Variants in LRRC18 observed in about 807,000 individuals in gnomAD.
LRRC18 encodes leucine-rich repeat-containing protein 18.
Under a neutral mutation model 11.2 loss-of-function variants are expected in LRRC18, and 12 were observed. The observed-to-expected ratio is 1.07, with a 90% confidence interval of 0.69 to 1.74. The LOEUF is 1.74. LRRC18 is among the 40% of genes most tolerant of loss of function. The probability of loss-of-function intolerance (pLI) is 0.00; values close to 1 mark genes in which losing one functional copy is unlikely to be tolerated. For synonymous variants in LRRC18, 155 were observed against 130.6 expected (o/e 1.19, Z -1.27); for missense variants, 374 against 330.5 (o/e 1.13, Z -1.02).
intron 1 of LRRC18, 132 bp from the exon 4 acceptor site, chr10:48,910,390 G>T: frequency 1.3e-6 from 1 of 768,340 alleles, no homozygotes; most frequent in Non-Finnish European, 2.3e-6. Flanking sequence ...TGTGAATGGG[G>T]GTTTTGTTGT....
chr10:48,929,175 A>C, the LRRC18 span, among the ~76,000 whole-genome samples: 2 of 152,076 alleles, frequency 1.3e-5, no homozygotes, highest in Admixed American at 6.5e-5. Flanking sequence ...AGGAAACATC[A>C]AGTGGAAAAG....
At chr10:48,930,687 G>T in the LRRC18 span, among the ~76,000 whole-genome samples, 1 of 151,852 alleles carries the variant, frequency 6.6e-6, no homozygotes, top group South Asian at 2.1e-4. Context: ...ATTTAAAATA[G>T]TAAAAAAAAA....
intron 1 of LRRC18, among the ~76,000 whole-genome samples, chr10:48,912,294 G>A (rs1838077159): frequency 1.3e-5 from 2 of 152,192 alleles, no homozygotes; most frequent in Admixed American, 6.5e-5. Context: ...TGCTGAGTAC[G>A]TTCTCCATGT....
chr10:48,936,558 C>A, the LRRC18 span, among the ~76,000 whole-genome samples: 1 of 152,000 alleles, frequency 6.6e-6, no homozygotes, highest in East Asian at 1.9e-4. Context: ...AGCACTCAGG[C>A]CAGGTGTGGT....
intron 1 of LRRC18, among the ~76,000 whole-genome samples, chr10:48,912,324 C>T (rs1011946598): frequency 1.3e-5 from 2 of 152,226 alleles, no homozygotes; most frequent in African/African-American, 4.8e-5. Context: ...TTTAGAGGCA[C>T]AGAACACTTG....
At chr10:48,929,521 T>G in the LRRC18 span, among the ~76,000 whole-genome samples, 1 of 152,208 alleles carries the variant, frequency 6.6e-6, no homozygotes, top group Non-Finnish European at 1.5e-5. Flanking sequence ...CTGAGGTCCA[T>G]GGCCAAGCCC....
the LRRC18 span, among the ~76,000 whole-genome samples, chr10:48,932,081 C>T: frequency 1.4e-4 from 22 of 152,206 alleles, no homozygotes; most frequent in East Asian, 5.8e-4. Context: ...TCTCATAACA[C>T]GCCTGAGCCC....
chr10:48,914,066 C>CT lies in LRRC18; in HGVS notation c.89dup (p.Arg31AlafsTer3), dbSNP rs756773651. 2 of 1,614,092 alleles carry CT rather than the reference C, an allele frequency of 1.2e-6. No homozygotes were observed. Among genetic ancestry groups the CT allele is most frequent in the Non-Finnish European group, 1.7e-6 (2 of 1,180,054 alleles). ...TTCCCATCTTGCTCAAGTCAAGGCG[C>CT]TTTTTCCCATCAAAAGTGATTTTGA... On this transcript the variant is annotated frameshift_variant, in exon 1 of 2. Transcript: ENST00000374160. LOFTEE classifies it high-confidence loss of function.
upstream of LRRC18, among the ~76,000 whole-genome samples, chr10:48,917,121 G>C (rs1411106217): frequency 6.6e-6 from 1 of 152,162 alleles, no homozygotes; most frequent in Non-Finnish European, 1.5e-5. Flanking sequence ...AGATCATGTA[G>C]TCTACCTAGG....
the LRRC18 span, among the ~76,000 whole-genome samples, chr10:48,924,384 C>A: frequency 6.6e-6 from 1 of 152,148 alleles, no homozygotes; most frequent in Non-Finnish European, 1.5e-5. Flanking sequence ...GGCTAGATGG[C>A]CTATTATCAG....
At chr10:48,919,784 T>A in the LRRC18 span, among the ~76,000 whole-genome samples, 1 of 152,208 alleles carries the variant, frequency 6.6e-6, no homozygotes, top group Non-Finnish European at 1.5e-5. Flanking sequence ...ACACTGGAGA[T>A]CAGAGTTTCA....
chr10:48,919,389 G>A, the LRRC18 span, among the ~76,000 whole-genome samples: 12 of 152,130 alleles, frequency 7.9e-5, no homozygotes, highest in Admixed American at 1.3e-4. Flanking sequence ...TGGAATTCAC[G>A]GTTGAAACCC....
chr10:48,927,060 G>GTAGTGCC, the LRRC18 span, among the ~76,000 whole-genome samples: 2,506 of 152,342 alleles, frequency 0.016, 40 homozygotes, highest in African/African-American at 0.02. Context: ...CTGGAGAGCT[G>GTAGTGCC]CAGGCTGCTG....
the LRRC18 span, chr10:48,932,508 C>A: frequency 6.6e-6 from 1 of 152,204 alleles, no homozygotes; most frequent in Admixed American, 6.5e-5. Context: ...GAGCTGGCTA[C>A]AGTTCAGTCT....
intron 1 of LRRC18, 155 bp downstream of exon 3, chr10:48,913,237 C>A: frequency 1.4e-6 from 1 of 728,030 alleles, no homozygotes; most frequent in South Asian, 1.8e-5. Context: ...TCAACACAAT[C>A]ACACGCCGAG....
the LRRC18 span, among the ~76,000 whole-genome samples, chr10:48,921,284 A>G: frequency 6.6e-6 from 1 of 151,102 alleles, no homozygotes; most frequent in African/African-American, 2.4e-5. Flanking sequence ...AATGGAACAG[A>G]AAATAGAGTC....
At chr10:48,925,656 A>G in the LRRC18 span, among the ~76,000 whole-genome samples, 2 of 152,218 alleles carry the variant, frequency 1.3e-5, no homozygotes, top group Admixed American at 1.3e-4. Context: ...TGCAGAGATG[A>G]TGGTGCAGCT....
At chr10:48,913,263 G>A in intron 1 of LRRC18, 129 bp downstream of exon 3, 1 of 869,640 alleles carries the variant, frequency 1.1e-6, no homozygotes, top group Non-Finnish European at 1.8e-6. Flanking sequence ...AAGGAAAGGA[G>A]TTTTATGGGC....
Position 48,913,741 on chromosome 10 carries a change from TGGTGGGCACGCTGTCCA to T in LRRC18, c.398_414del (p.Leu133HisfsTer15). 6.2e-7 allele frequency: 1 copy of T among 1,613,476 alleles called. No homozygotes were observed. Among genetic ancestry groups the T allele is most frequent in the Non-Finnish European group, 8.5e-7 (1 of 1,179,566 alleles). ...TGGAGCTCCTTCAGGGCCCCCAGTG[TGGTGGGCACGCTGTCCA>T]GGTGGTTCAAGCCTAGGTTCACAGC... On this transcript the variant is annotated frameshift_variant, in exon 1 of 2. Coordinates refer to ENST00000374160, the Ensembl canonical transcript of LRRC18. LOFTEE classifies it high-confidence loss of function.
Sources: gnomAD v4.1 joint callset for allele counts (sites outside exome capture counted in the v4.1 genomes callset) on GRCh38, gnomAD v4.1.1 for gene constraint, MANE v1.5 for transcripts, NCBI Gene and HGNC (gene_info 2026-07-23, HGNC 2026-07-21) for gene names.